The following SEPTIN11 variants were observed in gnomAD, a reference collection of about 807,000 sequenced individuals.
SEPTIN11 encodes the protein septin 11.
SEPTIN11 carries 25 observed loss-of-function variants against 51.4 expected under a neutral mutation model. That is an observed-to-expected ratio of 0.49 (90% CI 0.35 to 0.68). SEPTIN11 has a LOEUF of 0.68. SEPTIN11 is among the 30% of genes least tolerant of loss of function. The probability of loss-of-function intolerance (pLI) is 0.00; values close to 1 mark genes in which losing one functional copy is unlikely to be tolerated. For synonymous variants in SEPTIN11, 174 were observed against 184.1 expected (o/e 0.95, Z 0.44); for missense variants, 381 against 520.8 (o/e 0.73, Z 2.61).
At chr4:76,974,836 C>T (rs919257793) in intron 1 of SEPTIN11, 6 of 456,576 alleles carry the variant, frequency 1.3e-5, no homozygotes, top group South Asian at 3.1e-5. Flanking sequence ...GAAATGTGAG[C>T]GCTTGGGTGG....
rs77278159 is a variant in SEPTIN11 at position 76,955,743 on chromosome 4, T to G, written c.27+5813T>G. Among the ~76,000 whole-genome samples the G allele has an allele frequency of 2.7e-3, 406 of 152,206 alleles. 2 individuals carry two copies. Among genetic ancestry groups the G allele is most frequent in the Non-Finnish European group, 4.8e-3 (326 of 68,006 alleles). On this transcript the variant is annotated intron_variant, in intron 1 of 9. Coordinates refer to ENST00000264893, the MANE Select transcript of SEPTIN11 (RefSeq NM_018243.4). ...ATGCCCAAATTGAACCCTTAAAGAA[T>G]AGAGGAAATGAAGACTGACAGAGGA...
In SEPTIN11 at chr4:77,038,219, T is replaced by A. The variant is rs910474353; in HGVS notation, c.*3707T>A. On this transcript the variant is annotated 3_prime_UTR_variant, in exon 10 of 10. Transcript: ENST00000264893. The stretch of plus-strand genomic sequence containing the variant: ...GTATGTAGGTATGAAGGGAATTTTT[T>A]AAATAAATTGAAAAGCTGTGAACAG... 43 of 985,632 alleles carry A rather than the reference T, an allele frequency of 4.4e-5. No individual in the cohort carries two copies. Among genetic ancestry groups the A allele is most frequent in the African/African-American group, 2.1e-4 (12 of 57,244 alleles). The allele number at this position is 985,632 out of a possible 1,614,324, so 61.1% of individuals were successfully genotyped here.
At chr4:76,970,110 G>A (rs1722180570) in intron 1 of SEPTIN11, among the ~76,000 whole-genome samples, 1 of 152,132 alleles carries the variant, frequency 6.6e-6, no homozygotes, top group African/African-American at 2.4e-5. Context: ...TGGGCCCTGT[G>A]TGTGTACCCT....
At chr4:76,956,527 C>T (rs561839665) in intron 1 of SEPTIN11, among the ~76,000 whole-genome samples, 3 of 152,226 alleles carry the variant, frequency 2.0e-5, no homozygotes, top group African/African-American at 4.8e-5. Flanking sequence ...GTTCCACCCT[C>T]GGAGGTCTGC....
At chr4:76,997,650 A>T (rs943820303) in intron 2 of SEPTIN11, among the ~76,000 whole-genome samples, 1 of 152,042 alleles carries the variant, frequency 6.6e-6, no homozygotes, top group Admixed American at 6.6e-5. Flanking sequence ...CTCTCATCTC[A>T]TGCTTTCCCC....
At chr4:77,029,046 T>C (rs890687029) in intron 8 of SEPTIN11, among the ~76,000 whole-genome samples, 1 of 152,200 alleles carries the variant, frequency 6.6e-6, no homozygotes, top group African/African-American at 2.4e-5. Flanking sequence ...TCACATGGCC[T>C]GTGTAGCTCT....
chr4:76,968,908 A>C (rs1304293185), intron 1 of SEPTIN11, among the ~76,000 whole-genome samples: 2 of 152,194 alleles, frequency 1.3e-5, no homozygotes, highest in African/African-American at 4.8e-5. Context: ...GGCATTTTAC[A>C]TGGTCATTGA....
intron 6 of SEPTIN11, among the ~76,000 whole-genome samples, chr4:77,019,529 G>A (rs1725544746): frequency 6.6e-6 from 1 of 152,190 alleles, no homozygotes; most frequent in Non-Finnish European, 1.5e-5. Flanking sequence ...ATAAAGTCCT[G>A]ATTGAAAAAT....
At chr4:77,011,705 G>T in intron 3 of SEPTIN11, 30 bp from the exon 4 acceptor site, 1 of 1,602,810 alleles carries the variant, frequency 6.2e-7, no homozygotes, top group South Asian at 1.1e-5. Context: ...AGAGGTTTGA[G>T]ACTAGAAACA....
At chr4:76,971,781 TTAAAA>T (rs1722256715) in intron 1 of SEPTIN11, among the ~76,000 whole-genome samples, 1 of 152,108 alleles carries the variant, frequency 6.6e-6, no homozygotes, top group South Asian at 2.1e-4. Flanking sequence ...GGAAACCACT[TTAAAA>T]TAAAAAAACT....
chr4:77,005,322 TTACAAG>T (rs1412713568), intron 2 of SEPTIN11, among the ~76,000 whole-genome samples: 1 of 152,226 alleles, frequency 6.6e-6, no homozygotes, highest in Non-Finnish European at 1.5e-5. Context: ...ACAGGCAATC[TTACAAG>T]TACAATTTTT....
chr4:76,999,299 A>C (rs1444023068), intron 2 of SEPTIN11, among the ~76,000 whole-genome samples: 1 of 152,144 alleles, frequency 6.6e-6, no homozygotes, highest in African/African-American at 2.4e-5. Flanking sequence ...ATAAGAAAAA[A>C]CTTACTGTCA....
At chr4:76,965,930 A>G (rs1334950516) in intron 1 of SEPTIN11, among the ~76,000 whole-genome samples, 1 of 152,226 alleles carries the variant, frequency 6.6e-6, no homozygotes, top group Admixed American at 6.5e-5. Flanking sequence ...TAAAAAGATA[A>G]TGTGCTTTAG....
intron 5 of SEPTIN11, 42 bp from the exon 6 acceptor site, chr4:77,019,123 G>T: frequency 6.4e-7 from 1 of 1,566,558 alleles, no homozygotes; most frequent in South Asian, 1.2e-5. Flanking sequence ...CAGTCTGTCA[G>T]AGCAGGGGAA....
At chr4:77,010,699 A>G (rs1185745968) in intron 3 of SEPTIN11, among the ~76,000 whole-genome samples, 4 of 152,178 alleles carry the variant, frequency 2.6e-5, no homozygotes, top group Non-Finnish European at 5.9e-5. Context: ...ACTTATGGGT[A>G]TGGGATTTGG....
In SEPTIN11 at chr4:77,037,476, T is replaced by C. The variant is rs1390832969; in HGVS notation, c.*2964T>C. On this transcript the variant is annotated 3_prime_UTR_variant, in exon 10 of 10. Transcript: ENST00000264893. ...GGCAAATAAAGCCAGAATGAGAAAT[T>C]ACCATCTTCTACTAGAGAAAACCAA... The C allele has an allele frequency of 2.0e-6, 2 of 985,328 alleles. No individual in the cohort carries two copies. Among genetic ancestry groups the C allele is most frequent in the East Asian group, 2.3e-4 (2 of 8,812 alleles). The allele number at this position is 985,328 out of a possible 1,614,324, so 61.0% of individuals were successfully genotyped here.
chr4:77,028,890 A>T (rs1312770153), intron 8 of SEPTIN11, 129 bp downstream of exon 8: 1 of 961,506 alleles, frequency 1.0e-6, no homozygotes, highest in Admixed American at 3.0e-5. Flanking sequence ...TGACCTGCCA[A>T]CCTGGCCAGG....
chr4:76,995,122 G>A (rs969450309), intron 1 of SEPTIN11, among the ~76,000 whole-genome samples: 1 of 150,270 alleles, frequency 6.7e-6, no homozygotes, highest in African/African-American at 2.4e-5. Flanking sequence ...GGTGGCTCAT[G>A]CCTGTAATCC....
chr4:77,009,825 G>C (rs1008160997), intron 3 of SEPTIN11: 1 of 152,226 alleles, frequency 6.6e-6, no homozygotes, highest in African/African-American at 2.4e-5. Flanking sequence ...CTGGGGAAGA[G>C]CCCTAATCCC....
Sources: gnomAD v4.1 joint callset for allele counts (sites outside exome capture counted in the v4.1 genomes callset) on GRCh38, gnomAD v4.1.1 for gene constraint, MANE v1.5 for transcripts, NCBI Gene and HGNC (gene_info 2026-07-23, HGNC 2026-07-21) for gene names.